The following ABTB1 variants were observed in gnomAD, a reference collection of about 807,000 sequenced individuals.
ABTB1 encodes ankyrin repeat and BTB domain containing 1.
ABTB1 carries 45 observed loss-of-function variants against 57.1 expected under a neutral mutation model. That is an observed-to-expected ratio of 0.79 (90% CI 0.62 to 1.01). ABTB1 has a LOEUF of 1.01. Among genes scored for constraint, ABTB1 ranks in the 50% least tolerant of loss-of-function variants. ABTB1 has a pLI of 0.00. For synonymous variants in ABTB1, 302 were observed against 275.4 expected (o/e 1.10, Z -0.95); for missense variants, 630 against 666.3 (o/e 0.95, Z 0.60).
chr3:127,674,329 G>A, intron 1 of ABTB1, 62 bp from the exon 2 acceptor site: 5 of 1,564,628 alleles, frequency 3.2e-6, no homozygotes, highest in Non-Finnish European at 4.3e-6. Context: ...TCCTTTCCAC[G>A]GGCCTTCTTT....
chr3:127,676,218 G>C lies in ABTB1; in HGVS notation c.321-54G>C. On this transcript the variant is annotated intron_variant, in intron 4 of 11. Coordinates refer to ENST00000232744, the MANE Select transcript of ABTB1 (RefSeq NM_172027.3). This position sits in a 1 kb window ranked among gnomAD's most constrained non-coding sequence, Gnocchi z 5.4. ...CTGCACTGGGTTCTGAGTGCTCCGA[G>C]GAATGGGGTGGGGCTGTGCCAAGTA... 1 of 1,604,624 alleles carries C rather than the reference G, an allele frequency of 6.2e-7. No individual in the cohort carries two copies. Among genetic ancestry groups the C allele is most frequent in the South Asian group, 1.1e-5 (1 of 90,532 alleles).
rs373271133 is a variant in ABTB1, at chr3:127,680,020, C to T, written c.1065C>T (p.Val355=). ...AGGCAGCCTATGATGTGCTGAGCGT[C>T]GCCGACATGTACCTGCTGCCAGGCC... is the stretch of plus-strand genomic sequence containing the variant. ...SPEAAYDVLS[V]ADMYLLPGLK... Residue 355 remains valine, a synonymous_variant, in exon 11 of 12, where the codon GTC becomes GTT. Coordinates refer to ENST00000232744, the MANE Select transcript of ABTB1 (RefSeq NM_172027.3). The T allele has an allele frequency of 5.9e-5, 95 of 1,613,564 alleles. No individual in the cohort carries two copies. Among genetic ancestry groups the T allele is most frequent in the Non-Finnish European group, 5.9e-5 (70 of 1,180,032 alleles).
At chr3:127,677,443 G>A in intron 8 of ABTB1, 22 bp from the exon 9 acceptor site, 3 of 1,613,166 alleles carry the variant, frequency 1.9e-6, no homozygotes, top group Middle Eastern at 1.7e-4. Flanking sequence ...GCTCTGATGG[G>A]GTCACCTCTT....
At chr3:127,679,461 T>C (rs2075071028) in intron 10 of ABTB1, 1 of 453,898 alleles carries the variant, frequency 2.2e-6, no homozygotes, top group Non-Finnish European at 4.4e-6. Flanking sequence ...GTAGGTGGGC[T>C]CTGTGTCCCC....
chr3:127,677,679 T>C lies in ABTB1; in HGVS notation c.865T>C (p.Phe289Leu). The change falls in exon 10 of 12, where the codon TTT (phenylalanine) becomes CTT (leucine). Residue 289 changes from phenylalanine to leucine, a missense_variant. Phe to Leu is a conservative substitution (Grantham distance 22). Around this residue, in one of 3 missense-constraint regions of ABTB1, gnomAD observed 579 missense variants for 585.9 expected, o/e 0.99. Coordinates refer to ENST00000232744, the MANE Select transcript of ABTB1 (RefSeq NM_172027.3). ...TCCTGAGCCCGGCCTCCCCCAGGCC[T>C]TTTTCTGTGGCCGCAGTGACTACTT... Reference protein sequence around the residue: ...AGCSFLCHKAFFCGRSDYFRA... With the variant: ...AGCSFLCHKALFCGRSDYFRA... The C allele has an allele frequency of 6.2e-7, 1 of 1,609,948 alleles. No individual in the cohort carries two copies. Among genetic ancestry groups the C allele is most frequent in the Non-Finnish European group, 8.5e-7 (1 of 1,178,086 alleles).
chr3:127,675,921 T>C (rs1232790825), intron 3 of ABTB1, 49 bp from the exon 4 acceptor site: 10 of 1,580,658 alleles, frequency 6.3e-6, no homozygotes, highest in Non-Finnish European at 8.6e-6. Context: ...GAGATTAGAA[T>C]TTCCCCCAGG....
intron 10 of ABTB1, chr3:127,679,050 C>G (rs1288154904): frequency 1.9e-5 from 3 of 161,738 alleles, no homozygotes; most frequent in African/African-American, 7.2e-5. Flanking sequence ...GCCCAGCTCT[C>G]TGGCCCCTGT....
chr3:127,680,461 G>A lies in ABTB1; in HGVS notation c.1423G>A (p.Gly475Ser), dbSNP rs758627443. 8.7e-6 allele frequency: 14 copies of A among 1,601,410 alleles called. No individual in the cohort carries two copies. The highest frequency in any genetic ancestry group is 1.7e-5 in the Admixed American group (1 of 58,694). Residue 475 changes from glycine (G) to serine (S), a missense_variant, in exon 12 of 12, where the codon GGT becomes AGT. Transcript: ENST00000232744. ...ACTCGAGGACCTGCTCGTGTCCATC[G>A]GTCTGGACTGTTGAGCCCCTGGCTG... ...RALEDLLVSI[G>S]LDC
At chr3:127,673,962 A>C in intron 1 of ABTB1, 2 of 236,438 alleles carry the variant, frequency 8.5e-6, no homozygotes, top group Non-Finnish European at 8.5e-6. Flanking sequence ...CCTGCCTCCT[A>C]GAATTGTGTG....
intron 1 of ABTB1, chr3:127,674,038 C>G: frequency 3.2e-6 from 1 of 312,262 alleles, no homozygotes; most frequent in South Asian, 3.4e-5. Context: ...ACAGGGCCAG[C>G]TTCTTCCTGC....
chr3:127,680,068 C>G lies in ABTB1; in HGVS notation c.1113C>G (p.Ser371Arg), dbSNP rs1452165212. ...LPGLKRLCGRSLAQMLDEDTV... is the reference protein window; with the variant it reads ...LPGLKRLCGRRLAQMLDEDTV... ...GCCTGAAGAGGCTGTGCGGCCGCAG[C>G]CTGGCTCAGATGCTAGACGAGGACA... Residue 371 changes from serine to arginine, a missense_variant, in exon 11 of 12, where the codon AGC becomes AGG. This residue lies in a region of ABTB1 where 579 missense variants were observed against 585.9 expected (regional missense o/e 0.99). Transcript: ENST00000232744. 1.2e-6 allele frequency: 2 copies of G among 1,613,730 alleles called. No homozygotes were observed. Among genetic ancestry groups the G allele is most frequent in the Non-Finnish European group, 1.7e-6 (2 of 1,180,040 alleles).
At chr3:127,673,995 T>C in intron 1 of ABTB1, 1 of 279,840 alleles carries the variant, frequency 3.6e-6, no homozygotes, top group Non-Finnish European at 7.0e-6. Context: ...TCAGGAGGCC[T>C]GCAGCAGCTT....
Position 127,680,585 on chromosome 3 carries a change from G to T in ABTB1, c.*110G>T. 7.5e-7 allele frequency: 1 copy of T among 1,336,120 alleles called. No homozygotes were observed. The highest frequency in any genetic ancestry group is 1.1e-6 in the Non-Finnish European group (1 of 942,894). The allele number at this position is 1,336,120 out of a possible 1,614,324, so 82.8% of individuals were successfully genotyped here. ...TCCCTGCACATTGAGGGCTTCATGG[G>T]GGGTGCGAGGGGCTCAGTGGGGCTT... On this transcript the variant is annotated 3_prime_UTR_variant, in exon 12 of 12. Transcript: ENST00000232744.
intron 10 of ABTB1, 174 bp downstream of exon 10, chr3:127,678,017 A>G (rs1021293818): frequency 2.3e-5 from 18 of 799,850 alleles, no homozygotes; most frequent in Non-Finnish European, 3.4e-5. Context: ...AGGTAGAGGA[A>G]GCCTTGTTGG....
In ABTB1 at chr3:127,680,283, G is replaced by A. The variant is rs1295377486; in HGVS notation, c.1245G>A (p.Glu415=). 1.2e-6 allele frequency: 2 copies of A among 1,613,470 alleles called. No individual in the cohort carries two copies. The highest frequency in any genetic ancestry group is 2.2e-5 in the East Asian group (1 of 44,874). ...AKVIEKLVER[E]DFVEAVKEEA... Reference sequence around the variant, plus strand: ...CCCGCTCATAGCTGGTGGAGCGGGAGGACTTCGTGGAGGCGGTGAAGGAGG... The same window carrying A: ...CCCGCTCATAGCTGGTGGAGCGGGAAGACTTCGTGGAGGCGGTGAAGGAGG... Residue 415 remains glutamate, a synonymous_variant, in exon 12 of 12, where the codon GAG becomes GAA. Coordinates refer to ENST00000232744, the MANE Select transcript of ABTB1 (RefSeq NM_172027.3).
In ABTB1 at chr3:127,680,311, G is replaced by T; in HGVS notation, c.1273G>T (p.Ala425Ser). The change falls in exon 12 of 12, where the codon GCA becomes TCA. Residue 425 changes from alanine (A) to serine (S), a missense_variant. Around this residue, in one of 3 missense-constraint regions of ABTB1, gnomAD observed 579 missense variants for 585.9 expected, o/e 0.99. Transcript: ENST00000232744. ...CTTCGTGGAGGCGGTGAAGGAGGAG[G>T]CAGCGGCTGTGGCAGCCCGGCAGGA... ...EDFVEAVKEE[A>S]AAVAARQETD... is the part of the protein sequence containing the mutation. 1 of 1,612,686 alleles carries T rather than the reference G, an allele frequency of 6.2e-7. No individual in the cohort carries two copies. Among genetic ancestry groups the T allele is most frequent in the Middle Eastern group, 1.7e-4 (1 of 5,966 alleles).
At chr3:127,677,636 G>T (rs769924757) in intron 9 of ABTB1, 40 bp from the exon 10 acceptor site, 13 of 1,612,756 alleles carry the variant, frequency 8.1e-6, no homozygotes, top group Non-Finnish European at 1.0e-5. Context: ...TCAGGAGACA[G>T]ACCCTGGCCC....
chr3:127,674,469 AGGGGT>A lies in ABTB1; in HGVS notation c.119+21_119+25del. 2.6e-6 allele frequency: 1 copy of A among 379,054 alleles called. No homozygotes were observed. The allele number at this position is 379,054 out of a possible 1,614,324, so 23.5% of individuals were successfully genotyped here. A position where few individuals can be genotyped will look rare whatever the true frequency, so the allele number is the denominator to read the frequency against. On this transcript the variant is annotated intron_variant, in intron 2 of 11. Coordinates refer to ENST00000232744, the MANE Select transcript of ABTB1 (RefSeq NM_172027.3). Reference sequence around the variant, plus strand: ...GCACCCCCTTGTGAGTGCTGGAGAGAGGGGTGGGGAGGGTGGGGGTTGGTGCACCC... The same window carrying A: ...GCACCCCCTTGTGAGTGCTGGAGAGAGGGGAGGGTGGGGGTTGGTGCACCC...
In ABTB1 at chr3:127,679,957, G is replaced by A. The variant is rs773788568; in HGVS notation, c.1030-28G>A. 5.0e-6 allele frequency: 8 copies of A among 1,610,322 alleles called. No individual in the cohort carries two copies. In the African/African-American group the frequency reaches 9.3e-5, roughly 19 times the overall value. ...CTGGGAGCCCTTGGTGACCTCGGGG[G>A]GCACCTTCATCCCTGTCTTCACTGC... On this transcript the variant is annotated intron_variant, in intron 10 of 11. Transcript: ENST00000232744.
Sources: allele counts gnomAD v4.1 joint callset, GRCh38; gene constraint gnomAD v4.1.1; regional missense constraint gnomAD v4.1.1; non-coding constraint Gnocchi (gnomAD v3.1); transcripts MANE v1.5; gene names NCBI Gene and HGNC (gene_info 2026-07-23, HGNC 2026-07-21).